ALDH1A1: variants seen among roughly 807,000 people sequenced by gnomAD.
ALDH1A1 encodes the protein aldehyde dehydrogenase 1 family member A1.
ALDH1A1 carries 19 observed loss-of-function variants against 62.1 expected under a neutral mutation model. That is an observed-to-expected ratio of 0.31 (90% CI 0.21 to 0.45). ALDH1A1 has a LOEUF of 0.45. ALDH1A1 is among the 20% of genes least tolerant of loss of function. The pLI, the probability that ALDH1A1 is intolerant of heterozygous loss-of-function variation, is 1.00. For synonymous variants in ALDH1A1, 231 were observed against 215.9 expected (o/e 1.07, Z -0.61); for missense variants, 521 against 607.1 (o/e 0.86, Z 1.49).
At chr9:72,909,541 AG>A in intron 11 of ALDH1A1, 60 bp downstream of exon 11, 2 of 1,435,176 alleles carry the variant, frequency 1.4e-6, no homozygotes, top group South Asian at 1.5e-5. Flanking sequence ...AAAAAGTTCA[AG>A]GTAGTAATCT....
intron 2 of ALDH1A1, among the ~76,000 whole-genome samples, chr9:72,937,654 T>C (rs887169783): frequency 4.6e-5 from 7 of 152,164 alleles, no homozygotes; most frequent in Non-Finnish European, 1.0e-4. Flanking sequence ...ACAGAGGCAG[T>C]GACTAGCAAG....
chr9:72,930,840 G>A lies in ALDH1A1; in HGVS notation c.312+39C>T, dbSNP rs1322421640. The A allele has an allele frequency of 3.7e-6, 6 of 1,612,150 alleles. No homozygotes were observed. The African/African-American group carries it at 6.7e-5, about 18-fold the overall frequency. ...GCCATTTCAAACGCTGAATGCTTTT[G>A]AGAGCTCTAGCTACCCATCCAGCTT... On this transcript the variant is annotated intron_variant, in intron 3 of 12. Coordinates refer to ENST00000297785, the MANE Select transcript of ALDH1A1 (RefSeq NM_000689.5).
At chr9:72,931,104 T>C (rs1830276695) in intron 2 of ALDH1A1, 85 bp from the exon 3 acceptor site, 2 of 1,468,274 alleles carry the variant, frequency 1.4e-6, no homozygotes, top group Non-Finnish European at 9.4e-7. Context: ...AAATAGACTG[T>C]AGTGCCTCAT....
At chr9:72,929,959 C>T (rs1830259671) in intron 3 of ALDH1A1, among the ~76,000 whole-genome samples, 1 of 152,176 alleles carries the variant, frequency 6.6e-6, no homozygotes, top group Non-Finnish European at 1.5e-5. Context: ...CACATAGCTG[C>T]TCGTTCTGAA....
intron 1 of ALDH1A1, among the ~76,000 whole-genome samples, chr9:72,946,512 T>C (rs572545119): frequency 1.3e-5 from 2 of 151,942 alleles, no homozygotes; most frequent in Non-Finnish European, 2.9e-5. Context: ...TCTAAGTTTG[T>C]GGATACTTTT....
intron 2 of ALDH1A1, among the ~76,000 whole-genome samples, chr9:72,937,202 T>A (rs965749950): frequency 1.3e-5 from 2 of 152,178 alleles, no homozygotes; most frequent in Non-Finnish European, 2.9e-5. Flanking sequence ...ATATCTATAG[T>A]ATAGTATATC....
chr9:72,940,154 T>G lies in ALDH1A1; in HGVS notation c.165A>C (p.Gly55=). The G allele has an allele frequency of 6.2e-7, 1 of 1,611,394 alleles. No homozygotes were observed. Among genetic ancestry groups the G allele is most frequent in the Non-Finnish European group, 8.5e-7 (1 of 1,177,740 alleles). ...TEEELCQVEE[G]DKEDVDKAVK... is the part of the protein sequence containing the mutation. ...CTAGTGTTCAGAAACTCACCTTATC[T>G]CCTTCTTCTACCTGGCAGAGCTCCT... is the stretch of plus-strand genomic sequence containing the variant. The change falls in exon 2 of 13, where the codon GGA becomes GGC. Residue 55 remains glycine (G), a synonymous_variant. Coordinates refer to ENST00000297785, the MANE Select transcript of ALDH1A1 (RefSeq NM_000689.5).
At chr9:72,935,601 T>C (rs1421956133) in intron 2 of ALDH1A1, among the ~76,000 whole-genome samples, 1 of 152,214 alleles carries the variant, frequency 6.6e-6, no homozygotes, top group Admixed American at 6.5e-5. Flanking sequence ...AGGTCATGCC[T>C]TAGTATTAAA....
At chr9:72,940,632 G>A (rs927508779) in intron 1 of ALDH1A1, among the ~76,000 whole-genome samples, 2 of 151,866 alleles carry the variant, frequency 1.3e-5, no homozygotes, top group African/African-American at 4.8e-5. Context: ...CCTCATTTTC[G>A]GCTACTGGTG....
chr9:72,909,533 A>G, intron 11 of ALDH1A1, 69 bp downstream of exon 11: 1 of 1,395,484 alleles, frequency 7.2e-7, no homozygotes, highest in Non-Finnish European at 9.5e-7. Flanking sequence ...CAAGTCTGAA[A>G]AAGTTCAAGG....
chr9:72,917,569 A>G (rs1830080898), intron 8 of ALDH1A1, among the ~76,000 whole-genome samples: 1 of 152,164 alleles, frequency 6.6e-6, no homozygotes, highest in African/African-American at 2.4e-5. Context: ...TGGGAAAGAA[A>G]AACAAAATAA....
intron 6 of ALDH1A1, among the ~76,000 whole-genome samples, chr9:72,924,852 T>A (rs989324660): frequency 1.3e-5 from 2 of 152,194 alleles, no homozygotes; most frequent in Non-Finnish European, 2.9e-5. Flanking sequence ...TTTTTAAGAT[T>A]TGGTAAGATG....
At position 72,910,333 on chromosome 9, in the gene ALDH1A1, C is replaced by G. The variant is rs570607597; in HGVS notation, c.1201-574G>C. Among the ~76,000 whole-genome samples, 6 of 152,168 alleles carry G rather than the reference C, an allele frequency of 3.9e-5. No individual in the cohort carries two copies. In the South Asian group the frequency reaches 1.2e-3, roughly 32 times the overall value. On this transcript the variant is annotated intron_variant, in intron 10 of 12. Transcript: ENST00000297785. ...AATTAGCCAAGTTAGGTAAACATCA[C>G]GAACTTTTAGTCTACTCTGTAGCAA...
chr9:72,902,331 A>T (rs566854125), intron 12 of ALDH1A1, among the ~76,000 whole-genome samples: 1 of 152,190 alleles, frequency 6.6e-6, no homozygotes, highest in Admixed American at 6.5e-5. Flanking sequence ...ACTCATGCAC[A>T]TGTAGGCTTA....
At chr9:72,919,531 C>A (rs1412942728) in intron 7 of ALDH1A1, among the ~76,000 whole-genome samples, 1 of 152,184 alleles carries the variant, frequency 6.6e-6, no homozygotes, top group African/African-American at 2.4e-5. Flanking sequence ...TCCCAAAAAA[C>A]CTCATGAAGT....
chr9:72,915,905 C>A (rs1234665152), intron 9 of ALDH1A1, among the ~76,000 whole-genome samples: 1 of 152,094 alleles, frequency 6.6e-6, no homozygotes, highest in African/African-American at 2.4e-5. Flanking sequence ...TCAAGAATAG[C>A]GTTTGGTTTC....
intron 7 of ALDH1A1, among the ~76,000 whole-genome samples, chr9:72,920,271 C>T (rs976866760): frequency 6.6e-6 from 1 of 151,894 alleles, no homozygotes; most frequent in Non-Finnish European, 1.5e-5. Flanking sequence ...AAATCAAACC[C>T]CTAAAAGATT....
intron 1 of ALDH1A1, among the ~76,000 whole-genome samples, chr9:72,942,011 C>G (rs1830420928): frequency 6.6e-6 from 1 of 152,048 alleles, no homozygotes; most frequent in Non-Finnish European, 1.5e-5. Flanking sequence ...TCAAGAAACC[C>G]TATCAGATTA....
At chr9:72,939,979 A>ATT (rs33988381) in intron 2 of ALDH1A1, among the ~76,000 whole-genome samples, 169 bp downstream of exon 2, 40,355 of 143,590 alleles carry the variant, frequency 0.28, 5,750 homozygotes, top group East Asian at 0.38. Flanking sequence ...ACTACAGAGC[A>ATT]TTTTTTTTTT....
Sources: gnomAD v4.1 joint callset for allele counts (sites outside exome capture counted in the v4.1 genomes callset) on GRCh38, gnomAD v4.1.1 for gene constraint, MANE v1.5 for transcripts, NCBI Gene and HGNC (gene_info 2026-07-23, HGNC 2026-07-21) for gene names.